PPP2R2C: variants seen among roughly 807,000 people sequenced by gnomAD.
PPP2R2C encodes protein phosphatase 2, regulatory subunit B, gamma.
A neutral mutation model predicts 45.3 loss-of-function variants in PPP2R2C; 10 were observed. The ratio of observed to expected loss-of-function variants is 0.22; its 90% CI spans 0.14 to 0.37. PPP2R2C has a LOEUF of 0.37. Ranked by LOEUF, PPP2R2C falls within the 10% of genes least tolerant of loss-of-function variation. The pLI is 1.00. For missense variants in PPP2R2C, 308 were observed against 619.7 expected, an observed-to-expected ratio of 0.50 and a Z score of 5.34; for synonymous variants, 257 against 245.4, an observed-to-expected ratio of 1.05 and a Z score of -0.44.
At chr4:6,369,268 C>T (rs976703111) in intron 5 of PPP2R2C, among the ~76,000 whole-genome samples, 9 of 152,228 alleles carry the variant, frequency 5.9e-5, no homozygotes, top group African/African-American at 2.2e-4. Flanking sequence ...CTGGTGGCTG[C>T]CGCCCCATGA....
chr4:6,559,857 A>T (rs1036023301), intron 1 of PPP2R2C, among the ~76,000 whole-genome samples: 8 of 152,228 alleles, frequency 5.3e-5, no homozygotes, highest in African/African-American at 1.9e-4. Flanking sequence ...GTTGTTCATA[A>T]GCTGCCCAGG....
chr4:6,427,267 G>T (rs963443202), intron 1 of PPP2R2C, among the ~76,000 whole-genome samples: 1 of 152,250 alleles, frequency 6.6e-6, no homozygotes, highest in African/African-American at 2.4e-5. Context: ...CTGAGCTGGA[G>T]AATGAAGGAC....
chr4:6,438,839 G>A (rs1720016279), intron 1 of PPP2R2C, among the ~76,000 whole-genome samples: 1 of 152,190 alleles, frequency 6.6e-6, no homozygotes, highest in African/African-American at 2.4e-5. Context: ...ATGGTAGAGG[G>A]CCAACATTTA....
At chr4:6,502,544 T>A (rs1723094233) in intron 2 of PPP2R2C, among the ~76,000 whole-genome samples, 1 of 151,822 alleles carries the variant, frequency 6.6e-6, no homozygotes, top group Admixed American at 6.6e-5. Flanking sequence ...CTTCCTTCCT[T>A]CCTTCCTTTT....
intron 1 of PPP2R2C, among the ~76,000 whole-genome samples, chr4:6,393,228 C>T (rs900873726): frequency 6.6e-6 from 1 of 152,198 alleles, no homozygotes; most frequent in African/African-American, 2.4e-5. Context: ...CATCCGTCGG[C>T]AGCCATTCCC....
Position 6,321,400 on chromosome 4 carries a change from T to A in PPP2R2C, c.*1902A>T, listed in dbSNP as rs1024392597. Reference sequence around the variant, plus strand: ...GTAATCCAATCCTTTGATTGTTAAATTTAATTAGAATAGATATGTACATAT... The same window carrying A: ...GTAATCCAATCCTTTGATTGTTAAAATTAATTAGAATAGATATGTACATAT... On this transcript the variant is annotated 3_prime_UTR_variant, in exon 9 of 9. Coordinates refer to ENST00000382599, the MANE Select transcript of PPP2R2C (RefSeq NM_020416.4). 2.0e-5 allele frequency: 3 copies of A among 152,606 alleles called. No homozygotes were observed. The highest frequency in any genetic ancestry group is 1.5e-5 in the Non-Finnish European group (1 of 68,048). 9.5% of individuals were successfully genotyped at this position (152,606 alleles called of 1,614,324 possible).
At chr4:6,514,369 T>C (rs1723766897) in intron 2 of PPP2R2C, among the ~76,000 whole-genome samples, 1 of 152,246 alleles carries the variant, frequency 6.6e-6, no homozygotes, top group Non-Finnish European at 1.5e-5. Context: ...TATCCCCCTT[T>C]AACCCTCACA....
chr4:6,339,499 G>C (rs1002797171), intron 6 of PPP2R2C, among the ~76,000 whole-genome samples: 1 of 152,276 alleles, frequency 6.6e-6, no homozygotes, highest in African/African-American at 2.4e-5. Context: ...TGTGCCCGTG[G>C]CACTTGCTCT....
intron 2 of PPP2R2C, among the ~76,000 whole-genome samples, chr4:6,501,573 TTTCATTCATTCATTCA>T (rs367725442): frequency 1.3e-5 from 2 of 152,032 alleles, no homozygotes; most frequent in Admixed American, 6.5e-5. Flanking sequence ...CTTGTAACAC[TTTCATTCATTCATTCA>T]TTCATTCATT....
In PPP2R2C at chr4:6,352,360, GC is replaced by G. The variant is rs551054404; in HGVS notation, c.626-4351del. On this transcript the variant is annotated intron_variant, in intron 5 of 8. Transcript: ENST00000382599. ...TCCTTTCCAGGACTAACCGCAGGTGGCCCCACCCCAGCTTCATGATACCCGC... is the reference window on the plus strand; with the variant it reads ...TCCTTTCCAGGACTAACCGCAGGTGGCCCACCCCAGCTTCATGATACCCGC... Among the ~76,000 whole-genome samples the G allele has an allele frequency of 3.8e-3, 572 of 152,274 alleles. 2 individuals carry two copies. The highest frequency in any genetic ancestry group is 0.013 in the African/African-American group (545 of 41,548).
At chr4:6,455,920 C>T (rs556969511) in intron 1 of PPP2R2C, among the ~76,000 whole-genome samples, 23 of 151,854 alleles carry the variant, frequency 1.5e-4, no homozygotes, top group African/African-American at 4.6e-4. Context: ...CTGCAACGGG[C>T]CCACTGCATC....
In PPP2R2C at chr4:6,332,223, G is replaced by T. The variant is rs935002950; in HGVS notation, c.960+1339C>A. ...GGGTTGGAAATGTTCATTTCCCTGA[G>T]CTGCCTCCAGAGGGAGCCAGAGAGT... On this transcript the variant is annotated intron_variant, in intron 7 of 8. Coordinates refer to ENST00000382599, the MANE Select transcript of PPP2R2C (RefSeq NM_020416.4). This position sits in a 1 kb window ranked among gnomAD's most constrained non-coding sequence, Gnocchi z 4.9. 1.3e-5 allele frequency among the ~76,000 whole-genome samples: 2 copies of T among 152,178 alleles called. No homozygotes were observed. Among genetic ancestry groups the T allele is most frequent in the African/African-American group, 4.8e-5 (2 of 41,444 alleles).
At chr4:6,415,789 A>G (rs940362754) in intron 1 of PPP2R2C, among the ~76,000 whole-genome samples, 1 of 152,186 alleles carries the variant, frequency 6.6e-6, no homozygotes, top group Non-Finnish European at 1.5e-5. Flanking sequence ...TCCTTCTACA[A>G]CAGACCTCCA....
At chr4:6,497,935 C>T (rs1035149469) in intron 2 of PPP2R2C, among the ~76,000 whole-genome samples, 1 of 152,208 alleles carries the variant, frequency 6.6e-6, no homozygotes. Context: ...TAGCAGTCAC[C>T]AGATTGGCAA....
chr4:6,410,828 A>G (rs1718121422), intron 1 of PPP2R2C, among the ~76,000 whole-genome samples: 1 of 151,112 alleles, frequency 6.6e-6, no homozygotes, highest in South Asian at 2.1e-4. Context: ...AGTAGGGACT[A>G]CTATTCCCCC....
At chr4:6,518,803 G>T (rs191432487) in intron 2 of PPP2R2C, among the ~76,000 whole-genome samples, 10 of 151,848 alleles carry the variant, frequency 6.6e-5, no homozygotes, top group African/African-American at 1.7e-4. Flanking sequence ...CACGCCTGTA[G>T]TCCCAACTAC....
chr4:6,328,955 GGGAGAGGGGAGCACATCACC>G lies in PPP2R2C; in HGVS notation c.1052+287_1052+306del, dbSNP rs1732175692. On this transcript the variant is annotated intron_variant, in intron 8 of 8. Coordinates refer to ENST00000382599, the MANE Select transcript of PPP2R2C (RefSeq NM_020416.4). This position sits in a 1 kb window ranked among gnomAD's most constrained non-coding sequence, Gnocchi z 4.4. ...CTATAGCCCTCGCCCCCGACAAGCT[GGGAGAGGGGAGCACATCACC>G]GGGGACCCTGAATTAACTAAACATG... Among the ~76,000 whole-genome samples the G allele has an allele frequency of 6.6e-6, 1 of 152,194 alleles. No individual in the cohort carries two copies. The highest frequency in any genetic ancestry group is 2.4e-5 in the African/African-American group (1 of 41,456).
chr4:6,354,090 T>C (rs1712906743), intron 5 of PPP2R2C, among the ~76,000 whole-genome samples: 1 of 150,610 alleles, frequency 6.6e-6, no homozygotes, highest in Non-Finnish European at 1.5e-5. Flanking sequence ...TTCCTCCATC[T>C]GAACCCCTTG....
intron 1 of PPP2R2C, chr4:6,382,985 T>TGGA (rs1002035186): frequency 9.3e-7 from 1 of 1,077,132 alleles, no homozygotes; most frequent in Non-Finnish European, 1.1e-6. Context: ...GGGCCGCATC[T>TGGA]GGAGCCAAAC....
Sources: gnomAD v4.1 joint callset for allele counts (sites outside exome capture counted in the v4.1 genomes callset) on GRCh38, gnomAD v4.1.1 for gene constraint, Gnocchi (gnomAD v3.1) non-coding constraint, MANE v1.5 for transcripts, NCBI Gene and HGNC (gene_info 2026-07-23, HGNC 2026-07-21) for gene names.